The following ZNF431 variants were observed in gnomAD, a reference collection of about 807,000 sequenced individuals.
The protein encoded by ZNF431 is zinc finger protein 431.
A neutral mutation model predicts 57.0 loss-of-function variants in ZNF431; 34 were observed. The ratio of observed to expected loss-of-function variants is 0.60; its 90% confidence interval spans 0.45 to 0.79. The LOEUF is 0.79. Among genes scored for constraint, ZNF431 ranks in the 30% least tolerant of loss-of-function variants. The pLI is 0.00. For synonymous variants in ZNF431, 207 were observed against 220.3 expected, an observed-to-expected ratio of 0.94 and a Z score of 0.54; for missense variants, 607 against 667.1, an observed-to-expected ratio of 0.91 and a Z score of 0.99.
In ZNF431 at chr19:21,184,346, C is replaced by A. The variant is rs761967855; in HGVS notation, c.*312C>A. The stretch of plus-strand genomic sequence containing the variant: ...GTTTGGCAACAGAGTGAGACTCCGT[C>A]TCAAAAAAAATTTATACTGTACAAA... On this transcript the variant is annotated 3_prime_UTR_variant, in exon 5 of 5. Transcript: ENST00000311048. 8 of 198,458 alleles carry A rather than the reference C, an allele frequency of 4.0e-5. No homozygotes were observed. The highest frequency in any genetic ancestry group is 8.2e-5 in the Non-Finnish European group (8 of 97,406). The allele number at this position is 198,458 out of a possible 1,614,324, so 12.3% of individuals were successfully genotyped here.
intron 4 of ZNF431, among the ~76,000 whole-genome samples, chr19:21,169,059 T>A (rs1318502995): frequency 6.6e-6 from 1 of 151,962 alleles, no homozygotes; most frequent in Non-Finnish European, 1.5e-5. Context: ...TTACAGGCAC[T>A]CGGCACCAGC....
At chr19:21,146,270 C>G (rs1418504824) in intron 2 of ZNF431, among the ~76,000 whole-genome samples, 1 of 151,934 alleles carries the variant, frequency 6.6e-6, no homozygotes, top group Non-Finnish European at 1.5e-5. Flanking sequence ...ATTAGCCAGG[C>G]TTGGTGGTGC....
intron 2 of ZNF431, among the ~76,000 whole-genome samples, chr19:21,147,055 C>T (rs1372009503): frequency 6.6e-6 from 1 of 152,230 alleles, no homozygotes; most frequent in Non-Finnish European, 1.5e-5. Flanking sequence ...GTATTACTTT[C>T]ATCTTCCATT....
intron 2 of ZNF431, among the ~76,000 whole-genome samples, chr19:21,161,164 C>G (rs1227722327): frequency 1.5e-5 from 1 of 67,050 alleles, no homozygotes; most frequent in African/African-American, 5.5e-5. Flanking sequence ...AAAGTTCCAT[C>G]TCTAAATAAA....
intron 2 of ZNF431, among the ~76,000 whole-genome samples, chr19:21,157,408 C>T (rs1053131663): frequency 6.6e-5 from 10 of 152,058 alleles, no homozygotes; most frequent in African/African-American, 2.4e-4. Context: ...GAGGTGGTAT[C>T]TCATTGTGGT....
At chr19:21,143,435 G>A in intron 1 of ZNF431, 116 bp from the exon 2 acceptor site, 1 of 810,706 alleles carries the variant, frequency 1.2e-6, no homozygotes, top group Non-Finnish European at 2.1e-6. Context: ...CCACCTTTTA[G>A]TTTTTTTCTG....
chr19:21,175,651 A>G (rs1173473851), intron 4 of ZNF431, among the ~76,000 whole-genome samples: 2 of 152,076 alleles, frequency 1.3e-5, no homozygotes, highest in Non-Finnish European at 2.9e-5. Context: ...TTCAACTCCC[A>G]CTTAATAAGT....
intron 2 of ZNF431, among the ~76,000 whole-genome samples, chr19:21,164,547 G>A (rs1970664762): frequency 6.6e-6 from 1 of 152,138 alleles, no homozygotes; most frequent in Non-Finnish European, 1.5e-5. Flanking sequence ...AGCAGGTGGT[G>A]CTGATGCTTT....
chr19:21,170,647 T>C (rs1211768399), intron 4 of ZNF431, among the ~76,000 whole-genome samples: 1 of 151,342 alleles, frequency 6.6e-6, no homozygotes, highest in African/African-American at 2.4e-5. Flanking sequence ...CTTTCTTTTC[T>C]TTTCTTTTCT....
chr19:21,156,362 A>ATT (rs138201493), intron 2 of ZNF431, among the ~76,000 whole-genome samples: 2 of 150,752 alleles, frequency 1.3e-5, no homozygotes, highest in African/African-American at 4.9e-5. Flanking sequence ...CCACGCATGG[A>ATT]TTTTTTTTTT....
intron 4 of ZNF431, among the ~76,000 whole-genome samples, chr19:21,181,613 TTA>T (rs1291525641): frequency 6.6e-6 from 1 of 152,098 alleles, no homozygotes; most frequent in Non-Finnish European, 1.5e-5. Context: ...CATTTTGACA[TTA>T]TTTTTTCTTT....
intron 2 of ZNF431, among the ~76,000 whole-genome samples, chr19:21,157,876 T>C (rs1044923917): frequency 2.0e-5 from 3 of 151,438 alleles, no homozygotes; most frequent in Non-Finnish European, 4.4e-5. Flanking sequence ...CTCTGTATTC[T>C]GCTGCCTTGT....
Position 21,192,448 on chromosome 19 carries a change from G to T in ZNF431, c.*8414G>T, listed in dbSNP as rs79886872. ...CCCAAAGTGCTGGAATTACAGGCAG[G>T]AGTCACTGCACCTTGCCTGTTTATA... is the stretch of plus-strand genomic sequence containing the variant. On this transcript the variant is annotated 3_prime_UTR_variant, in exon 5 of 5. Transcript: ENST00000311048. 60 of 152,338 alleles carry T rather than the reference G, an allele frequency of 3.9e-4. No individual in the cohort carries two copies. The East Asian group carries it at 0.011, about 27-fold the overall frequency. 9.4% of individuals were successfully genotyped at this position (152,338 alleles called of 1,614,324 possible). A position where few individuals can be genotyped will look rare whatever the true frequency, so the allele number is the denominator to read the frequency against.
At chr19:21,146,409 GAAAA>G (rs59050670) in intron 2 of ZNF431, among the ~76,000 whole-genome samples, 8 of 108,716 alleles carry the variant, frequency 7.4e-5, no homozygotes, top group South Asian at 3.2e-4. Context: ...CACTCTGTCT[GAAAA>G]AAAAAAAAAA....
At chr19:21,146,643 G>C (rs915380732) in intron 2 of ZNF431, among the ~76,000 whole-genome samples, 1 of 152,152 alleles carries the variant, frequency 6.6e-6, no homozygotes, top group African/African-American at 2.4e-5. Flanking sequence ...GTAGCAGTGA[G>C]GGCAATCAGA....
At position 21,185,820 on chromosome 19, in the gene ZNF431, CCAT is replaced by C. The variant is rs1434278012; in HGVS notation, c.*1791_*1793del. 1 of 152,024 alleles carries C rather than the reference CCAT, an allele frequency of 6.6e-6. No homozygotes were observed. The highest frequency in any genetic ancestry group is 1.5e-5 in the Non-Finnish European group (1 of 68,008). 9.4% of individuals were successfully genotyped at this position (152,024 alleles called of 1,614,324 possible). A position where few individuals can be genotyped will look rare whatever the true frequency, so the allele number is the denominator to read the frequency against. ...ATAGTAGCAGGGTTAAGTAAGGCAT[CCAT>C]CATCTGTAGCATTTCTCCTTTGTTT... On this transcript the variant is annotated 3_prime_UTR_variant, in exon 5 of 5. Coordinates refer to ENST00000311048, the MANE Select transcript of ZNF431 (RefSeq NM_133473.4).
At chr19:21,150,406 C>G (rs969228485) in intron 2 of ZNF431, 46 of 308,022 alleles carry the variant, frequency 1.5e-4, no homozygotes, top group Non-Finnish European at 2.5e-4. Flanking sequence ...TTGGAGCCAC[C>G]TTCTTCCCCT....
chr19:21,176,901 T>C (rs969274526), intron 4 of ZNF431, among the ~76,000 whole-genome samples: 1 of 152,130 alleles, frequency 6.6e-6, no homozygotes, highest in African/African-American at 2.4e-5. Context: ...TTCACCATCT[T>C]AGCCAGGCTG....
At position 21,167,628 on chromosome 19, in the gene ZNF431, G is replaced by A. The variant is rs1019406309; in HGVS notation, c.281G>A (p.Trp94Ter). The change falls in exon 4 of 5, where the codon TGG becomes TAG. Residue 94 changes from tryptophan to a stop codon, truncating the protein, a stop_gained. Coordinates refer to ENST00000311048, the MANE Select transcript of ZNF431 (RefSeq NM_133473.4). LOFTEE classifies it high-confidence loss of function. ...TGTCTGGAGCAAGAAAAAGAGCCCT[G>A]GAATATGAAGAGACATGAGATGGTG... Reference protein sequence around the residue: ...VTCLEQEKEPWNMKRHEMVDE... With the variant: ...VTCLEQEKEP The A allele has an allele frequency of 1.3e-6, 2 of 1,588,662 alleles. No individual in the cohort carries two copies. The highest frequency in any genetic ancestry group is 1.7e-6 in the Non-Finnish European group (2 of 1,166,440).
Sources: gnomAD v4.1 joint callset for allele counts (sites outside exome capture counted in the v4.1 genomes callset) on GRCh38, gnomAD v4.1.1 for gene constraint, MANE v1.5 for transcripts, NCBI Gene and HGNC (gene_info 2026-07-23, HGNC 2026-07-21) for gene names.